ZNF234: variants seen among roughly 807,000 people sequenced by gnomAD.
ZNF234 encodes C2-H2 type zinc finger protein.
A neutral mutation model predicts 10.3 loss-of-function variants in ZNF234; 4 were observed. The observed-to-expected ratio is 0.39, with a 90% CI of 0.19 to 0.89. The LOEUF is 0.89. ZNF234 is among the 40% of genes least tolerant of loss of function. The pLI, the probability that ZNF234 is intolerant of heterozygous loss-of-function variation, is 0.38. For synonymous variants in ZNF234, 258 were observed against 280.1 expected, an observed-to-expected ratio of 0.92 and a Z score of 0.79; for missense variants, 711 against 836.1, an observed-to-expected ratio of 0.85 and a Z score of 1.85.
intron 3 of ZNF234, 150 bp downstream of exon 3, chr19:44,144,797 GTTTAT>G (rs772435690): frequency 1.4e-5 from 9 of 634,982 alleles, no homozygotes; most frequent in Non-Finnish European, 2.2e-5. Context: ...TTTAGATGTT[GTTTAT>G]TTTATTATTT....
rs1968992685 is a variant in ZNF234 at position 44,159,823 on chromosome 19, C to G, written c.*1704C>G. On this transcript the variant is annotated 3_prime_UTR_variant, in exon 6 of 6. Coordinates refer to ENST00000426739, the MANE Select transcript of ZNF234 (RefSeq NM_006630.3). ...CCAAGGCAGGTGAATCACCTGAGGT[C>G]AGGACTTAGAGACCAGCCTGACCAA... The G allele has an allele frequency of 4.1e-6, 1 of 244,114 alleles. No homozygotes were observed. Among genetic ancestry groups the G allele is most frequent in the Non-Finnish European group, 8.8e-6 (1 of 113,870 alleles). 15.1% of individuals were successfully genotyped at this position (244,114 alleles called of 1,614,324 possible). A position where few individuals can be genotyped will look rare whatever the true frequency, so the allele number is the denominator to read the frequency against.
intron 2 of ZNF234, among the ~76,000 whole-genome samples, chr19:44,143,484 C>G (rs1223769013): frequency 6.6e-6 from 1 of 152,184 alleles, no homozygotes; most frequent in Non-Finnish European, 1.5e-5. Context: ...TGGCGGGCAC[C>G]TGTAGTCCCA....
intron 5 of ZNF234, among the ~76,000 whole-genome samples, chr19:44,151,680 G>A (rs963597441): frequency 5.3e-5 from 8 of 152,264 alleles, no homozygotes; most frequent in Non-Finnish European, 1.2e-4. Context: ...AATCTGTATC[G>A]TTCCCTTATC....
chr19:44,153,957 A>G (rs969097864), intron 5 of ZNF234, among the ~76,000 whole-genome samples: 1 of 152,220 alleles, frequency 6.6e-6, no homozygotes, highest in Admixed American at 6.5e-5. Flanking sequence ...TGCTTCCCTC[A>G]TTGATGCTGC....
In ZNF234 at chr19:44,158,007, G is replaced by A. The variant is rs764967583; in HGVS notation, c.1991G>A (p.Arg664Gln). The A allele has an allele frequency of 1.3e-5, 21 of 1,613,730 alleles. No individual in the cohort carries two copies. The East Asian group carries it at 2.2e-4, about 17-fold the overall frequency. Residue 664 changes from arginine to glutamine, a missense_variant, in exon 6 of 6, where the codon CGA becomes CAA. Transcript: ENST00000426739. ...ATATGTGGTAAGAGGTTCAGCTGGC[G>A]ATCAAATCTTGTAAGTCATCACAAA... is the stretch of plus-strand genomic sequence containing the variant. ...CEICGKRFSWRSNLVSHHKIH... is the reference protein window; with the variant it reads ...CEICGKRFSWQSNLVSHHKIH...
Position 44,159,572 on chromosome 19 carries a change from A to T in ZNF234, c.*1453A>T. On this transcript the variant is annotated 3_prime_UTR_variant, in exon 6 of 6. Coordinates refer to ENST00000426739, the MANE Select transcript of ZNF234 (RefSeq NM_006630.3). ...CTGAATATCACACAATTGAGTTTTT[A>T]ATCCATTAATGTTAAGGCAGGGGTT... is the stretch of plus-strand genomic sequence containing the variant. 2.3e-6 allele frequency: 1 copy of T among 442,474 alleles called. No homozygotes were observed. Among genetic ancestry groups the T allele is most frequent in the East Asian group, 6.1e-5 (1 of 16,440 alleles). 27.4% of individuals were successfully genotyped at this position (442,474 alleles called of 1,614,324 possible). A position where few individuals can be genotyped will look rare whatever the true frequency, so the allele number is the denominator to read the frequency against.
At position 44,157,792 on chromosome 19, in the gene ZNF234, A is replaced by C. The variant is rs772046212; in HGVS notation, c.1776A>C (p.Gly592=). Residue 592 remains glycine, a synonymous_variant, in exon 6 of 6, where the codon GGA becomes GGC. Transcript: ENST00000426739. ...ACATGCATCAGAGGGTGCACACAGGAGAAAAACCCTATACATGTGGGGAGT... is the reference window on the plus strand; with the variant it reads ...ACATGCATCAGAGGGTGCACACAGGCGAAAAACCCTATACATGTGGGGAGT... The part of the protein sequence containing the change: ...NLDMHQRVHT[G]EKPYTCGECG... 1.9e-6 allele frequency: 3 copies of C among 1,613,082 alleles called. No individual in the cohort carries two copies. Among genetic ancestry groups the C allele is most frequent in the Non-Finnish European group, 2.5e-6 (3 of 1,179,686 alleles).
intron 5 of ZNF234, among the ~76,000 whole-genome samples, chr19:44,154,396 C>T (rs1443907078): frequency 6.6e-6 from 1 of 151,784 alleles, no homozygotes; most frequent in Non-Finnish European, 1.5e-5. Context: ...CTTTAGTCCT[C>T]ATGTAGGAAA....
At chr19:44,153,776 G>T (rs1384669847) in intron 5 of ZNF234, among the ~76,000 whole-genome samples, 2 of 152,170 alleles carry the variant, frequency 1.3e-5, no homozygotes, top group Non-Finnish European at 2.9e-5. Context: ...ATTTGGAAAA[G>T]ATGCTTTTCT....
intron 2 of ZNF234, 70 bp downstream of exon 2, chr19:44,142,437 A>G (rs922515572): frequency 6.6e-6 from 1 of 152,220 alleles, no homozygotes; most frequent in African/African-American, 2.4e-5. Context: ...GGGCATGGGC[A>G]TTTATAATAA....
Position 44,156,865 on chromosome 19 carries a change from T to G in ZNF234, c.849T>G (p.Thr283=). The G allele has an allele frequency of 6.2e-7, 1 of 1,613,484 alleles. No individual in the cohort carries two copies. The highest frequency in any genetic ancestry group is 8.5e-7 in the Non-Finnish European group (1 of 1,179,660). The change falls in exon 6 of 6, where the codon ACT becomes ACG. Residue 283 remains threonine (T), a synonymous_variant. Transcript: ENST00000426739. ...SHLQEHQRIH[T]GEKPFKCDTC... ...TTCAGGAACATCAGAGAATTCATAC[T>G]GGGGAGAAACCATTCAAATGTGATA... is the stretch of plus-strand genomic sequence containing the variant.
rs766123560 is a variant in ZNF234, at chr19:44,157,132, C to G, written c.1116C>G (p.Tyr372Ter). ...GAATCCACACTGGAGAGAAACCATA[C>G]GTATGTAAAGTGTGTGGTAAGGGTT... ...HRRIHTGEKPYVCKVCGKGFI... is the reference protein window; with the variant it reads ...HRRIHTGEKP Residue 372 changes from tyrosine to a stop codon, truncating the protein, a stop_gained, in exon 6 of 6, where the codon TAC (tyrosine) becomes TAG (stop). Coordinates refer to ENST00000426739, the MANE Select transcript of ZNF234 (RefSeq NM_006630.3). LOFTEE classifies it low-confidence loss of function (END_TRUNC). 29 of 1,614,112 alleles carry G rather than the reference C, an allele frequency of 1.8e-5. No homozygotes were observed. Among genetic ancestry groups the G allele is most frequent in the Non-Finnish European group, 2.5e-5 (29 of 1,180,026 alleles).
In ZNF234 at chr19:44,156,285, C is replaced by T. The variant is rs1968878683; in HGVS notation, c.269C>T (p.Pro90Leu). ...DKIQSEVETVPEAGRHEELYW... is the reference protein window; with the variant it reads ...DKIQSEVETVLEAGRHEELYW... ...ATCCAAAGTGAGGTGGAGACTGTTC[C>T]AGAAGCAGGACGACATGAAGAGCTT... is the stretch of plus-strand genomic sequence containing the variant. The change falls in exon 6 of 6, where the codon CCA (proline) becomes CTA (leucine). Residue 90 changes from proline (P) to leucine (L), a missense_variant. Coordinates refer to ENST00000426739, the MANE Select transcript of ZNF234 (RefSeq NM_006630.3). The T allele has an allele frequency of 2.5e-6, 4 of 1,578,240 alleles. No homozygotes were observed. Among genetic ancestry groups the T allele is most frequent in the Non-Finnish European group, 3.4e-6 (4 of 1,165,252 alleles).
chr19:44,154,925 C>T (rs1288665368), intron 5 of ZNF234, among the ~76,000 whole-genome samples: 2 of 152,140 alleles, frequency 1.3e-5, no homozygotes, highest in Non-Finnish European at 2.9e-5. Context: ...ATGTGAGCCA[C>T]TGCACCCTGC....
Position 44,159,066 on chromosome 19 carries a change from C to G in ZNF234, c.*947C>G, listed in dbSNP as rs1247256857. The G allele has an allele frequency of 6.6e-6, 1 of 152,214 alleles. No homozygotes were observed. Among genetic ancestry groups the G allele is most frequent in the African/African-American group, 2.4e-5 (1 of 41,452 alleles). The allele number at this position is 152,214 out of a possible 1,614,324, so 9.4% of individuals were successfully genotyped here. ...CCTACAATATTAATATGATATTACTCTTTTACAGTTGACACCTGTCCTCTC... is the reference window on the plus strand; with the variant it reads ...CCTACAATATTAATATGATATTACTGTTTTACAGTTGACACCTGTCCTCTC... On this transcript the variant is annotated 3_prime_UTR_variant, in exon 6 of 6. Transcript: ENST00000426739.
In ZNF234 at chr19:44,156,796, C is replaced by T. The variant is rs375078977; in HGVS notation, c.780C>T (p.Tyr260=). The T allele has an allele frequency of 3.0e-5, 48 of 1,609,074 alleles. No homozygotes were observed. The highest frequency in any genetic ancestry group is 4.1e-5 in the Non-Finnish European group (48 of 1,176,468). Residue 260 remains tyrosine (Y), a synonymous_variant, in exon 6 of 6, where the codon TAC becomes TAT. Transcript: ENST00000426739. ...AATTACACTCAGGAGAGAAACCTTA[C>T]AATTGTGAGGAATGTGGAAGGGCCT... ...HCKLHSGEKP[Y]NCEECGRAFI...
intron 5 of ZNF234, among the ~76,000 whole-genome samples, chr19:44,154,333 A>C (rs2122140756): frequency 1.3e-5 from 2 of 152,048 alleles, no homozygotes; most frequent in Middle Eastern, 6.8e-3. Flanking sequence ...CTGGAGGTCT[A>C]AATTACTGTC....
Position 44,159,485 on chromosome 19 carries a change from T to G in ZNF234, c.*1366T>G, listed in dbSNP as rs959294791. 2.9e-6 allele frequency: 1 copy of G among 341,730 alleles called. No homozygotes were observed. Among genetic ancestry groups the G allele is most frequent in the African/African-American group, 2.1e-5 (1 of 47,206 alleles). The allele number at this position is 341,730 out of a possible 1,614,324, so 21.2% of individuals were successfully genotyped here. On this transcript the variant is annotated 3_prime_UTR_variant, in exon 6 of 6. Transcript: ENST00000426739. ...CACCACACCCGGCCAAGTTGAAGTATATTTTGTGATTTTTCTGACAGTGCA... is the reference window on the plus strand; with the variant it reads ...CACCACACCCGGCCAAGTTGAAGTAGATTTTGTGATTTTTCTGACAGTGCA...
intron 5 of ZNF234, among the ~76,000 whole-genome samples, chr19:44,155,997 A>T (rs1394491249): frequency 6.6e-6 from 1 of 152,216 alleles, no homozygotes; most frequent in African/African-American, 2.4e-5. Flanking sequence ...TAATTTTTAA[A>T]ATTAACTCTG....
Sources: allele counts gnomAD v4.1 joint callset (sites outside exome capture counted in the v4.1 genomes callset), GRCh38; gene constraint gnomAD v4.1.1; transcripts MANE v1.5; gene names NCBI Gene and HGNC (gene_info 2026-07-23, HGNC 2026-07-21).